The following CSRNP1 variants were observed in gnomAD, a reference collection of about 807,000 sequenced individuals.
CSRNP1 encodes the protein cysteine/serine-rich nuclear protein 1.
In CSRNP1, 8 loss-of-function variants were observed where a neutral mutation model predicts 25.0. The observed-to-expected ratio is 0.32, with a 90% CI of 0.19 to 0.58. The LOEUF (loss-of-function observed/expected upper bound fraction) is 0.58. Ranked by LOEUF, CSRNP1 falls within the 20% of genes least tolerant of loss-of-function variation. The pLI is 0.88. For missense variants in CSRNP1, 691 were observed against 773.1 expected (o/e 0.89, Z 1.26); for synonymous variants, 305 against 303.1 (o/e 1.01, Z -0.06).
In CSRNP1 at chr3:39,142,505, G is replaced by A. The variant is rs2039426536; in HGVS notation, c.*550C>T. The A allele has an allele frequency of 6.5e-6, 1 of 153,020 alleles. No homozygotes were observed. The highest frequency in any genetic ancestry group is 1.5e-5 in the Non-Finnish European group (1 of 68,328). The allele number at this position is 153,020 out of a possible 1,614,324, so 9.5% of individuals were successfully genotyped here. A position where few individuals can be genotyped will look rare whatever the true frequency, so the allele number is the denominator to read the frequency against. Reference sequence around the variant, plus strand: ...GGCAGGGCAAGGTGTAGGACTACAAGGCAAAAGGGGCTCTTGAGGGCCTGT... The same window carrying A: ...GGCAGGGCAAGGTGTAGGACTACAAAGCAAAAGGGGCTCTTGAGGGCCTGT... On this transcript the variant is annotated 3_prime_UTR_variant, in exon 5 of 5. Coordinates refer to ENST00000273153, the MANE Select transcript of CSRNP1 (RefSeq NM_033027.4).
intron 2 of CSRNP1, among the ~76,000 whole-genome samples, chr3:39,145,560 A>G (rs998577436): frequency 8.6e-5 from 13 of 152,044 alleles, no homozygotes; most frequent in African/African-American, 2.9e-4. Flanking sequence ...ACAGTTTTCT[A>G]TTGTTTTTTA....
chr3:39,146,344 TATTATAGCTCATGAGAGCTACCG>T, intron 2 of CSRNP1, 111 bp downstream of exon 2: 1 of 1,141,048 alleles, frequency 8.8e-7, no homozygotes, highest in East Asian at 2.6e-5. Flanking sequence ...GTGACCACTA[TATTATAGCTCATGAGAGCTACCG>T]CCATGGGGAC....
rs1448144633 is a variant in CSRNP1, at chr3:39,144,127, GCCA to G, written c.780+7_780+9del. 1 of 1,610,526 alleles carries G rather than the reference GCCA, an allele frequency of 6.2e-7. No individual in the cohort carries two copies. ...CGCTCAGGATCCCCATCCCAGTCCA[GCCA>G]CCACACCTGGCACTTGATGCCTGCC... On this transcript the variant is annotated splice_region_variant and intron_variant, in intron 4 of 4. Transcript: ENST00000273153.
chr3:39,145,484 C>T (rs1327053629), intron 2 of CSRNP1, among the ~76,000 whole-genome samples: 1 of 152,218 alleles, frequency 6.6e-6, no homozygotes. Context: ...TTTACCAGTC[C>T]AAATGACAGT....
At chr3:39,153,377 GC>G in intron 1 of CSRNP1, 60 bp downstream of exon 1, 1 of 211,354 alleles carries the variant, frequency 4.7e-6, no homozygotes, top group South Asian at 3.9e-5. Context: ...AGTGCCACTC[GC>G]GCTGAATGCC....
intron 3 of CSRNP1, among the ~76,000 whole-genome samples, chr3:39,144,759 C>T (rs1056000992): frequency 5.3e-5 from 8 of 152,206 alleles, no homozygotes; most frequent in African/African-American, 1.9e-4. Flanking sequence ...CCAAAAAGTT[C>T]AGATTCAGGT....
chr3:39,151,572 T>C, intron 1 of CSRNP1: 1 of 152,574 alleles, frequency 6.6e-6, no homozygotes, highest in Non-Finnish European at 1.5e-5. Flanking sequence ...GCTGCCTCCA[T>C]CCCCCTTCAG....
chr3:39,145,014 C>T lies in CSRNP1; in HGVS notation c.448G>A (p.Glu150Lys). 1 of 1,610,810 alleles carries T rather than the reference C, an allele frequency of 6.2e-7. No homozygotes were observed. Among genetic ancestry groups the T allele is most frequent in the Non-Finnish European group, 8.5e-7 (1 of 1,177,538 alleles). The change falls in exon 3 of 5, where the codon GAG becomes AAG. Residue 150 changes from glutamate to lysine, a missense_variant. Transcript: ENST00000273153. ...LRQRLKEEKL[E>K]MLQWKLSAAG... is the part of the protein sequence containing the mutation. ...CTCTCTACCTTCCACTGCAGCATCT[C>T]CAACTTCTCCTCTTTCAAGCGCTGG...
chr3:39,147,131 C>T (rs183227342), intron 1 of CSRNP1, among the ~76,000 whole-genome samples: 1 of 152,222 alleles, frequency 6.6e-6, no homozygotes, highest in East Asian at 1.9e-4. Context: ...CAGACCTCAG[C>T]CTGGTCTCAC....
At chr3:39,145,499 G>A (rs1008493525) in intron 2 of CSRNP1, among the ~76,000 whole-genome samples, 3 of 152,190 alleles carry the variant, frequency 2.0e-5, no homozygotes, top group African/African-American at 7.2e-5. Flanking sequence ...GACAGTATTC[G>A]TAAGATTAAA....
chr3:39,144,420 G>T lies in CSRNP1; in HGVS notation c.497C>A (p.Ala166Glu), dbSNP rs2039475937. ...GGCATCCACCACAGGTGGCAGCCCT[G>T]CCTCTGCCTGGGGTACCCCAGCTGC... ...LSAAGVPQAE[A>E]GLPPVVDAID... Residue 166 changes from alanine to glutamate, a missense_variant, in exon 4 of 5, where the codon GCA (alanine) becomes GAA (glutamate). Transcript: ENST00000273153. 1.2e-6 allele frequency: 2 copies of T among 1,609,460 alleles called. No homozygotes were observed. Among genetic ancestry groups the T allele is most frequent in the African/African-American group, 2.7e-5 (2 of 74,858 alleles).
rs1280440413 is a variant in CSRNP1 at position 39,146,486 on chromosome 3, C to T, written c.197G>A (p.Ser66Asn). 3.9e-6 allele frequency: 6 copies of T among 1,543,210 alleles called. No homozygotes were observed. Among genetic ancestry groups the T allele is most frequent in the Non-Finnish European group, 4.4e-6 (5 of 1,142,386 alleles). Reference protein sequence around the residue: ...LPDRDFCGPRSFTPLSILKRA... With the variant: ...LPDRDFCGPRNFTPLSILKRA... ...GGGGAGGGAGTACTCACGGGTGAAA[C>T]TTCTGGGGCCGCAGAAGTCACGGTC... Residue 66 changes from serine to asparagine, a missense_variant, in exon 2 of 5, where the codon AGT (serine) becomes AAT (asparagine). By Grantham distance (46) the Ser-to-Asn change is conservative. Transcript: ENST00000273153.
rs1013874851 is a variant in CSRNP1 at position 39,142,278 on chromosome 3, A to AG, written c.*776dup. 1.3e-5 allele frequency: 2 copies of AG among 152,308 alleles called. No individual in the cohort carries two copies. The highest frequency in any genetic ancestry group is 4.8e-5 in the African/African-American group (2 of 41,464). 9.4% of individuals were successfully genotyped at this position (152,308 alleles called of 1,614,324 possible). On this transcript the variant is annotated 3_prime_UTR_variant, in exon 5 of 5. Transcript: ENST00000273153. ...GGAATAAAGGCTGTGGCCTTTGGGA[A>AG]GGGGGAAGATGGAACAGAGGGCAGG... is the stretch of plus-strand genomic sequence containing the variant.
At chr3:39,146,135 T>C (rs374450720) in intron 2 of CSRNP1, among the ~76,000 whole-genome samples, 1 of 152,198 alleles carries the variant, frequency 6.6e-6, no homozygotes, top group East Asian at 1.9e-4. Flanking sequence ...CAGAGAAGCA[T>C]GGGGCGGGCG....
At position 39,145,220 on chromosome 3, in the gene CSRNP1, G is replaced by A; in HGVS notation, c.242C>T (p.Pro81Leu). The change falls in exon 3 of 5, where the codon CCA (proline) becomes CTA (leucine). Residue 81 changes from proline to leucine, a missense_variant. Physicochemically the swap from Pro to Leu is moderately conservative, Grantham distance 98 (BLOSUM62 -3). Coordinates refer to ENST00000273153, the MANE Select transcript of CSRNP1 (RefSeq NM_033027.4). ...SILKRARRER[P>L]GRVAFDGITV... is the part of the protein sequence containing the mutation. ...GATCCCATCAAAGGCTACACGGCCT[G>A]GGCGCTCCCGGCGAGCCCGCTTCAG... 1 of 1,610,314 alleles carries A rather than the reference G, an allele frequency of 6.2e-7. No individual in the cohort carries two copies. Among genetic ancestry groups the A allele is most frequent in the Non-Finnish European group, 8.5e-7 (1 of 1,177,070 alleles).
rs2039449704 is a variant in CSRNP1, at chr3:39,143,539, A to T, written c.1286T>A (p.Phe429Tyr). The T allele has an allele frequency of 6.2e-7, 1 of 1,614,192 alleles. No homozygotes were observed. The highest frequency in any genetic ancestry group is 8.5e-7 in the Non-Finnish European group (1 of 1,180,030). Residue 429 changes from phenylalanine to tyrosine, a missense_variant, in exon 5 of 5, where the codon TTT (phenylalanine) becomes TAT (tyrosine). Phe to Tyr is a conservative substitution (Grantham distance 22). Transcript: ENST00000273153. ...CAGGCCACCAGGGTCACTAGTACCA[A>T]AGATGTCAGCTGGATGGAAGCAGCT... ...NLSCFHPADIFGTSDPGGLAS... is the reference protein window; with the variant it reads ...NLSCFHPADIYGTSDPGGLAS...
chr3:39,144,915 C>T (rs2039483250), intron 3 of CSRNP1, 82 bp downstream of exon 3: 1 of 1,467,586 alleles, frequency 6.8e-7, no homozygotes. Flanking sequence ...AAGTCAGCAC[C>T]CACCCCTGGT....
intron 1 of CSRNP1, 134 bp downstream of exon 1, chr3:39,153,304 G>A: frequency 6.4e-6 from 1 of 155,402 alleles, no homozygotes; most frequent in Non-Finnish European, 1.4e-5. Context: ...TCAGAGCCGG[G>A]CAGCTCCAGC....
At chr3:39,153,365 G>A in intron 1 of CSRNP1, 73 bp downstream of exon 1, 1 of 196,910 alleles carries the variant, frequency 5.1e-6, no homozygotes, top group Non-Finnish European at 1.1e-5. Context: ...GGCAGGAGCG[G>A]CAGTGCCACT....
Sources: allele counts gnomAD v4.1 joint callset (sites outside exome capture counted in the v4.1 genomes callset), GRCh38; gene constraint gnomAD v4.1.1; transcripts MANE v1.5; gene names NCBI Gene and HGNC (gene_info 2026-07-23, HGNC 2026-07-21).